The following CSMD1 variants were observed in gnomAD, a reference collection of about 807,000 sequenced individuals.
CSMD1 encodes the protein CUB and Sushi multiple domains 1.
Under a neutral mutation model 417.5 loss-of-function variants are expected in CSMD1, and 213 were observed. That is an observed-to-expected ratio of 0.51 (90% CI 0.46 to 0.57). The LOEUF (loss-of-function observed/expected upper bound fraction) is 0.57. Among genes scored for constraint, CSMD1 ranks in the 20% least tolerant of loss-of-function variants. CSMD1 has a pLI of 0.00. For missense variants in CSMD1, 6,923 were observed against 4,529.7 expected (o/e 1.53, Z -15.17); for synonymous variants, 2,862 against 1,736.8 (o/e 1.65, Z -16.11).
At chr8:4,222,550 T>C (rs903049608) in intron 3 of CSMD1, among the ~76,000 whole-genome samples, 2 of 152,138 alleles carry the variant, frequency 1.3e-5, no homozygotes, top group Admixed American at 1.3e-4. Context: ...ACCACAGAAG[T>C]ACAGAAAAAG....
At position 4,477,456 on chromosome 8, in the gene CSMD1, G is replaced by A. The variant is rs552500504; in HGVS notation, c.303-57391C>T. Among the ~76,000 whole-genome samples the A allele has an allele frequency of 3.3e-5, 5 of 152,306 alleles. No homozygotes were observed. The South Asian group carries it at 1.0e-3, about 32-fold the overall frequency. ...AGAAACTGAGTCTGGTAAAACACAT[G>A]ATTTTCAGATATTTATATTTAATCA... On this transcript the variant is annotated intron_variant, in intron 2 of 69. Coordinates refer to ENST00000635120, the MANE Select transcript of CSMD1 (RefSeq NM_033225.6).
intron 21 of CSMD1, among the ~76,000 whole-genome samples, chr8:3,353,586 C>A (rs980088283): frequency 6.6e-6 from 1 of 152,190 alleles, no homozygotes; most frequent in Non-Finnish European, 1.5e-5. Context: ...TAATAAGACA[C>A]TGACATTAAG....
At chr8:4,675,579 T>C (rs1420617383) in intron 1 of CSMD1, among the ~76,000 whole-genome samples, 1 of 152,146 alleles carries the variant, frequency 6.6e-6, no homozygotes, top group Non-Finnish European at 1.5e-5. Flanking sequence ...AAGGCCTAAG[T>C]TGAGGTGGTA....
intron 3 of CSMD1, among the ~76,000 whole-genome samples, chr8:4,390,497 T>TTTTTTTTTTTTATTTATTTA (rs58291340): frequency 7.1e-6 from 1 of 140,324 alleles, no homozygotes; most frequent in African/African-American, 2.7e-5. Flanking sequence ...AAGCGTCCAT[T>TTTTTTTTTTTTATTTATTTA]TTTATTTATT....
At chr8:3,992,076 C>T (rs982692663) in intron 5 of CSMD1, among the ~76,000 whole-genome samples, 2 of 148,830 alleles carry the variant, frequency 1.3e-5, no homozygotes, top group African/African-American at 2.4e-5. Flanking sequence ...ATCCCTACAC[C>T]TTCAGCTGGT....
intron 33 of CSMD1, among the ~76,000 whole-genome samples, chr8:3,196,456 C>T (rs778872186): frequency 1.1e-4 from 17 of 152,144 alleles, no homozygotes; most frequent in Non-Finnish European, 2.1e-4. Flanking sequence ...GGACTCGCCC[C>T]AAATTCTTTC....
At chr8:3,693,611 G>C (rs1166284723) in intron 7 of CSMD1, among the ~76,000 whole-genome samples, 1 of 152,066 alleles carries the variant, frequency 6.6e-6, no homozygotes, top group Non-Finnish European at 1.5e-5. Context: ...TATTCCATGA[G>C]AGAGACAATA....
chr8:3,483,025 G>A (rs970863670), intron 11 of CSMD1, among the ~76,000 whole-genome samples: 1 of 151,958 alleles, frequency 6.6e-6, no homozygotes, highest in African/African-American at 2.4e-5. Context: ...ACATTAGATA[G>A]AAAAGAATGA....
At chr8:3,676,277 C>G (rs942550933) in intron 7 of CSMD1, among the ~76,000 whole-genome samples, 1 of 152,130 alleles carries the variant, frequency 6.6e-6, no homozygotes, top group African/African-American at 2.4e-5. Context: ...TAAGTATTTA[C>G]CAACTCTGTG....
At chr8:4,969,341 T>C (rs1277408133) in intron 1 of CSMD1, among the ~76,000 whole-genome samples, 1 of 151,934 alleles carries the variant, frequency 6.6e-6, no homozygotes, top group African/African-American at 2.4e-5. Flanking sequence ...GGCATTTCCT[T>C]ATATAATGAG....
intron 3 of CSMD1, among the ~76,000 whole-genome samples, chr8:4,377,974 T>C (rs1023620163): frequency 2.0e-5 from 3 of 152,208 alleles, no homozygotes; most frequent in African/African-American, 7.2e-5. Flanking sequence ...GATAGAATTG[T>C]AGTGCTGTCA....
At chr8:3,335,875 G>A (rs78232540) in intron 23 of CSMD1, among the ~76,000 whole-genome samples, 2,431 of 152,240 alleles carry the variant, frequency 0.016, 26 homozygotes, top group Middle Eastern at 0.034. Context: ...TTCATGGATG[G>A]AAGTTCAAAG....
chr8:4,075,032 C>A (rs922214741), intron 3 of CSMD1, among the ~76,000 whole-genome samples: 1 of 151,986 alleles, frequency 6.6e-6, no homozygotes, highest in Non-Finnish European at 1.5e-5. Context: ...CTGTAATAAC[C>A]CCAGTATGAA....
chr8:3,510,505 G>A (rs941475041), intron 10 of CSMD1, among the ~76,000 whole-genome samples: 11 of 151,804 alleles, frequency 7.2e-5, no homozygotes, highest in African/African-American at 2.7e-4. Context: ...GAGGTCTTAG[G>A]AAAGAAAATC....
At chr8:3,869,233 C>G (rs1805315066) in intron 5 of CSMD1, among the ~76,000 whole-genome samples, 1 of 152,170 alleles carries the variant, frequency 6.6e-6, no homozygotes, top group South Asian at 2.1e-4. Context: ...GATGCTCTGC[C>G]TAGCACTGCA....
intron 3 of CSMD1, among the ~76,000 whole-genome samples, chr8:4,036,822 C>T (rs1797641867): frequency 6.6e-6 from 1 of 152,242 alleles, no homozygotes. Flanking sequence ...AAATAGATTC[C>T]TGACCAGGGC....
intron 3 of CSMD1, among the ~76,000 whole-genome samples, chr8:4,326,381 G>C (rs1422579411): frequency 8.5e-5 from 13 of 152,144 alleles, no homozygotes; most frequent in Non-Finnish European, 1.2e-4. Flanking sequence ...TGTGGCGAGA[G>C]GCACTCAGAT....
At chr8:4,522,266 ACTTGCTCCTC>A (rs1803497992) in intron 2 of CSMD1, among the ~76,000 whole-genome samples, 1 of 152,114 alleles carries the variant, frequency 6.6e-6, no homozygotes, top group South Asian at 2.1e-4. Context: ...ATAAGACGTG[ACTTGCTCCTC>A]CTTGCCTTCT....
rs1322173629 is a variant in CSMD1, at chr8:3,407,184, G to C, written c.2071+715C>G. Among the ~76,000 whole-genome samples the C allele has an allele frequency of 2.7e-5, 4 of 150,002 alleles. No individual in the cohort carries two copies. The East Asian group carries it at 7.9e-4, about 30-fold the overall frequency. ...ACAGATGGAAGGATGGATAATGGAA[G>C]GATATGGATGAATGGATGGATGGGT... On this transcript the variant is annotated intron_variant, in intron 14 of 69. Coordinates refer to ENST00000635120, the MANE Select transcript of CSMD1 (RefSeq NM_033225.6).
Sources: gnomAD v4.1 joint callset for allele counts (sites outside exome capture counted in the v4.1 genomes callset) on GRCh38, gnomAD v4.1.1 for gene constraint, MANE v1.5 for transcripts, NCBI Gene and HGNC (gene_info 2026-07-23, HGNC 2026-07-21) for gene names.